The following TSPAN9 variants were observed in gnomAD, a reference collection of about 807,000 sequenced individuals.
TSPAN9 encodes tetraspanin 9.
Under a neutral mutation model 31.0 loss-of-function variants are expected in TSPAN9, and 16 were observed. That is an observed-to-expected ratio of 0.52 (90% CI 0.35 to 0.78). The LOEUF (loss-of-function observed/expected upper bound fraction) is 0.78, where lower values mean the gene tolerates loss of function less well. Among genes scored for constraint, TSPAN9 ranks in the 30% least tolerant of loss-of-function variants. The pLI, the probability that TSPAN9 is intolerant of heterozygous loss-of-function variation, is 0.01. For missense variants in TSPAN9, 272 were observed against 312.5 expected (o/e 0.87, Z 0.98); for synonymous variants, 145 against 121.6 (o/e 1.19, Z -1.27).
At position 3,187,305 on chromosome 12, in the gene TSPAN9, G is replaced by A. The variant is rs1034691549; in HGVS notation, c.-17-13872G>A. ...GTCCTTTGGTGTTGTGATGTGGGGC[G>A]TCTCTGCTTTTCCTAGCTGGGTAAT... On this transcript the variant is annotated intron_variant, in intron 2 of 8. Transcript: ENST00000011898. This position sits in a 1 kb window ranked among gnomAD's most constrained non-coding sequence, Gnocchi z 5.2. 2.6e-5 allele frequency among the ~76,000 whole-genome samples: 4 copies of A among 152,150 alleles called. No individual in the cohort carries two copies. The highest frequency in any genetic ancestry group is 2.0e-4 in the Admixed American group (3 of 15,278).
At chr12:3,093,028 T>G (rs111374682) in intron 2 of TSPAN9, among the ~76,000 whole-genome samples, 34 of 152,336 alleles carry the variant, frequency 2.2e-4, no homozygotes, top group African/African-American at 7.9e-4. Flanking sequence ...ATGTTCAGAT[T>G]GAACCTGGAA....
In TSPAN9 at chr12:3,187,959, C is replaced by A. The variant is rs111783648; in HGVS notation, c.-17-13218C>A. On this transcript the variant is annotated intron_variant, in intron 2 of 8. Coordinates refer to ENST00000011898, the MANE Select transcript of TSPAN9 (RefSeq NM_006675.5). This position sits in a 1 kb window ranked among gnomAD's most constrained non-coding sequence, Gnocchi z 5.2. ...CAGATGGAGCGTTTGCTCTGTAATGCTAATTCTCCTTGGCAGCATCTGCAG... is the reference window on the plus strand; with the variant it reads ...CAGATGGAGCGTTTGCTCTGTAATGATAATTCTCCTTGGCAGCATCTGCAG... Among the ~76,000 whole-genome samples the A allele has an allele frequency of 2.9e-3, 437 of 152,272 alleles. 6 individuals carry two copies. Among genetic ancestry groups the A allele is most frequent in the African/African-American group, 1.0e-2 (415 of 41,548 alleles).
intron 2 of TSPAN9, among the ~76,000 whole-genome samples, chr12:3,091,724 G>T (rs1020773182): frequency 2.0e-5 from 3 of 152,226 alleles, no homozygotes; most frequent in African/African-American, 7.2e-5. Flanking sequence ...TTGTCTCCCT[G>T]CTCCCCCTCA....
intron 3 of TSPAN9, among the ~76,000 whole-genome samples, chr12:3,263,924 G>A (rs1862497305): frequency 6.6e-6 from 1 of 152,164 alleles, no homozygotes. Context: ...TGCCGTGAGC[G>A]GGTCTGGAGG....
At chr12:3,207,461 C>G (rs1457647462) in intron 3 of TSPAN9, among the ~76,000 whole-genome samples, 1 of 152,126 alleles carries the variant, frequency 6.6e-6, no homozygotes, top group African/African-American at 2.4e-5. Context: ...GGGTTGGGGT[C>G]TGATCCTGGC....
At chr12:3,237,027 G>A (rs1017739520) in intron 3 of TSPAN9, among the ~76,000 whole-genome samples, 10 of 152,174 alleles carry the variant, frequency 6.6e-5, no homozygotes, top group Admixed American at 2.6e-4. Context: ...GCGGTGTGAG[G>A]ATTTGTGGGA....
At chr12:3,085,293 G>A (rs1358172969) in intron 2 of TSPAN9, among the ~76,000 whole-genome samples, 1 of 151,982 alleles carries the variant, frequency 6.6e-6, no homozygotes, top group Admixed American at 6.5e-5. Context: ...CACATCCCGT[G>A]GGGCCTGTTC....
intron 2 of TSPAN9, among the ~76,000 whole-genome samples, chr12:3,113,464 TG>T (rs1157355550): frequency 1.3e-5 from 2 of 152,238 alleles, no homozygotes; most frequent in Non-Finnish European, 2.9e-5. Flanking sequence ...TCTTTCCTGT[TG>T]AAGTCAAAAG....
rs1037924003 is a variant in TSPAN9 at position 3,099,835 on chromosome 12, C to T, written c.-18+16116C>T. ...AATACCCTGTGTTTTTGAGGTCTGT[C>T]CACTCTTTTTTTTTTTTTTTTTTTG... On this transcript the variant is annotated intron_variant, in intron 2 of 8. Transcript: ENST00000011898. Among the ~76,000 whole-genome samples, 657 of 150,040 alleles carry T rather than the reference C, an allele frequency of 4.4e-3. 5 individuals carry two copies. Among genetic ancestry groups the T allele is most frequent in the African/African-American group, 0.015 (611 of 40,732 alleles).
intron 3 of TSPAN9, among the ~76,000 whole-genome samples, chr12:3,257,869 G>T (rs74641202): frequency 0.033 from 5,055 of 152,260 alleles, 280 homozygotes; most frequent in African/African-American, 0.12. Flanking sequence ...GTTCATCAGA[G>T]AAAGAGACCT....
chr12:3,228,721 C>T (rs2098389157), intron 3 of TSPAN9, among the ~76,000 whole-genome samples: 1 of 152,244 alleles, frequency 6.6e-6, no homozygotes, highest in African/African-American at 2.4e-5. Context: ...CAGCTCCCTT[C>T]CAGGGTGTGT....
intron 3 of TSPAN9, among the ~76,000 whole-genome samples, chr12:3,261,131 G>C (rs1862441982): frequency 6.6e-6 from 1 of 152,202 alleles, no homozygotes; most frequent in Non-Finnish European, 1.5e-5. Context: ...TGGAAAGGAA[G>C]AGGTGGCTGC....
chr12:3,139,421 C>A (rs1336679348), intron 2 of TSPAN9, among the ~76,000 whole-genome samples: 1 of 152,186 alleles, frequency 6.6e-6, no homozygotes, highest in African/African-American at 2.4e-5. Flanking sequence ...CCCTGCCGTG[C>A]AGTGGAGGGG....
intron 2 of TSPAN9, among the ~76,000 whole-genome samples, chr12:3,115,665 G>A (rs966948688): frequency 3.3e-5 from 5 of 152,124 alleles, no homozygotes; most frequent in African/African-American, 1.2e-4. Flanking sequence ...AGCTCTCTGA[G>A]GTCCCTTTTA....
intron 2 of TSPAN9, among the ~76,000 whole-genome samples, chr12:3,088,893 G>C (rs2098302233): frequency 6.6e-6 from 1 of 152,070 alleles, no homozygotes; most frequent in African/African-American, 2.4e-5. Flanking sequence ...GAGGCTGGTG[G>C]TGGGAGCCAG....
At chr12:3,196,147 G>A (rs2153972446) in intron 2 of TSPAN9, among the ~76,000 whole-genome samples, 1 of 152,344 alleles carries the variant, frequency 6.6e-6, no homozygotes, top group Admixed American at 6.5e-5. Flanking sequence ...CATGGTGAGA[G>A]AGGGAGGAGG....
chr12:3,157,174 A>C (rs2098342688), intron 2 of TSPAN9, among the ~76,000 whole-genome samples: 1 of 148,612 alleles, frequency 6.7e-6, no homozygotes, highest in African/African-American at 2.5e-5. Flanking sequence ...ATCTCAGCTC[A>C]CTGCAAGCTC....
chr12:3,258,837 G>A (rs1565635354), intron 3 of TSPAN9, among the ~76,000 whole-genome samples: 1 of 152,186 alleles, frequency 6.6e-6, no homozygotes, highest in Non-Finnish European at 1.5e-5. Context: ...TGTATTCATG[G>A]TCTCAGTGGA....
intron 2 of TSPAN9, among the ~76,000 whole-genome samples, chr12:3,134,766 T>C (rs2098331299): frequency 6.6e-6 from 1 of 152,190 alleles, no homozygotes; most frequent in Non-Finnish European, 1.5e-5. Flanking sequence ...TGAATGTGAC[T>C]GTGAGCTGAG....
Sources: allele counts gnomAD v4.1 joint callset (sites outside exome capture counted in the v4.1 genomes callset), GRCh38; gene constraint gnomAD v4.1.1; non-coding constraint Gnocchi (gnomAD v3.1); transcripts MANE v1.5; gene names NCBI Gene and HGNC (gene_info 2026-07-23, HGNC 2026-07-21).